Variants in ATG10 observed in about 807,000 individuals in gnomAD.
ATG10 encodes autophagy related 10.
ATG10 carries 30 observed loss-of-function variants against 32.1 expected under a neutral mutation model. That is an observed-to-expected ratio of 0.94 (90% CI 0.70 to 1.27). The LOEUF (loss-of-function observed/expected upper bound fraction) is 1.27, where lower values mean the gene tolerates loss of function less well. Among genes scored for constraint, ATG10 ranks in the 50% most tolerant of loss-of-function variants. The pLI, the probability that ATG10 is intolerant of heterozygous loss-of-function variation, is 0.00. For synonymous variants in ATG10, 87 were observed against 91.5 expected (o/e 0.95, Z 0.28); for missense variants, 233 against 262.3 (o/e 0.89, Z 0.77).
At chr5:82,207,124 T>C (rs1745329054) in intron 5 of ATG10, among the ~76,000 whole-genome samples, 1 of 152,228 alleles carries the variant, frequency 6.6e-6, no homozygotes, top group Admixed American at 6.5e-5. Context: ...TCTATGATCA[T>C]GTCTTTTGAT....
At chr5:82,169,439 G>A (rs1743718230) in intron 4 of ATG10, among the ~76,000 whole-genome samples, 1 of 152,080 alleles carries the variant, frequency 6.6e-6, no homozygotes, top group Non-Finnish European at 1.5e-5. Context: ...CATATTTTCG[G>A]GGAAAGATGT....
chr5:82,248,304 C>A (rs1747112663), intron 5 of ATG10, among the ~76,000 whole-genome samples: 1 of 152,152 alleles, frequency 6.6e-6, no homozygotes, highest in Non-Finnish European at 1.5e-5. Flanking sequence ...TCATTTAGTA[C>A]CTATTTTGCT....
chr5:82,096,311 G>C (rs1165388218), intron 3 of ATG10, among the ~76,000 whole-genome samples: 1 of 152,126 alleles, frequency 6.6e-6, no homozygotes, highest in Non-Finnish European at 1.5e-5. Context: ...AGCCATTTTT[G>C]CTATTAGTAG....
At chr5:82,236,079 CTT>C (rs1746540671) in intron 5 of ATG10, among the ~76,000 whole-genome samples, 1 of 152,306 alleles carries the variant, frequency 6.6e-6, no homozygotes, top group East Asian at 1.9e-4. Context: ...ATTTAAGACT[CTT>C]TATAAAACGC....
intron 5 of ATG10, among the ~76,000 whole-genome samples, chr5:82,201,867 T>C (rs1399401032): frequency 6.6e-6 from 1 of 152,254 alleles, no homozygotes; most frequent in Non-Finnish European, 1.5e-5. Flanking sequence ...CTTAAATTTT[T>C]ATGTAAATAT....
At chr5:82,214,989 T>G (rs1394680958) in intron 5 of ATG10, among the ~76,000 whole-genome samples, 4 of 152,240 alleles carry the variant, frequency 2.6e-5, no homozygotes, top group African/African-American at 9.6e-5. Flanking sequence ...ATTTCAGAGC[T>G]TTTATTTTTA....
At chr5:82,150,243 T>C (rs929458861) in intron 3 of ATG10, among the ~76,000 whole-genome samples, 1 of 151,984 alleles carries the variant, frequency 6.6e-6, no homozygotes, top group Non-Finnish European at 1.5e-5. Flanking sequence ...TTGTTTTTTT[T>C]TTTTTCTTTC....
intron 3 of ATG10, among the ~76,000 whole-genome samples, chr5:82,121,135 C>G (rs1401745161): frequency 6.6e-6 from 1 of 152,024 alleles, no homozygotes; most frequent in African/African-American, 2.4e-5. Context: ...ATAGTTAATT[C>G]TTCAGTTTTG....
At chr5:82,100,013 T>G in intron 3 of ATG10, among the ~76,000 whole-genome samples, 1 of 132,858 alleles carries the variant, frequency 7.5e-6, no homozygotes, top group South Asian at 2.7e-4. Context: ...TTTTTTTTTT[T>G]TTTTTTTTTT....
chr5:82,033,401 G>C (rs1303355509), intron 2 of ATG10, among the ~76,000 whole-genome samples: 3 of 149,740 alleles, frequency 2.0e-5, no homozygotes, highest in African/African-American at 7.4e-5. Context: ...GCAGTGGCAC[G>C]ATCTCGGTTC....
chr5:82,157,096 T>G (rs1767827151), intron 3 of ATG10, among the ~76,000 whole-genome samples: 2 of 152,162 alleles, frequency 1.3e-5, no homozygotes, highest in Admixed American at 1.3e-4. Flanking sequence ...GCCTCGCCCT[T>G]GAGCATGCCT....
intron 3 of ATG10, among the ~76,000 whole-genome samples, chr5:82,161,696 AACACACACACACAC>A (rs60780834): frequency 7.7e-6 from 1 of 129,664 alleles, no homozygotes; most frequent in African/African-American, 3.1e-5. Flanking sequence ...TTAGAGAATA[AACACACACACACAC>A]ACACACACAC....
At chr5:82,127,421 G>C (rs1056205988) in intron 3 of ATG10, among the ~76,000 whole-genome samples, 1 of 152,078 alleles carries the variant, frequency 6.6e-6, no homozygotes, top group Non-Finnish European at 1.5e-5. Context: ...TGGGCATTTA[G>C]TGCTGTAAAT....
chr5:82,038,639 A>C (rs551406554), intron 2 of ATG10, among the ~76,000 whole-genome samples: 1 of 152,246 alleles, frequency 6.6e-6, no homozygotes, highest in South Asian at 2.1e-4. Context: ...TCTCTTTCTA[A>C]GCTCTTCCGA....
chr5:82,180,778 A>G (rs904685175), intron 5 of ATG10, among the ~76,000 whole-genome samples: 1 of 152,064 alleles, frequency 6.6e-6, no homozygotes, highest in African/African-American at 2.4e-5. Flanking sequence ...AGTTCTTACC[A>G]TTTTCCTTTT....
In ATG10 at chr5:82,083,621, C is replaced by CT. The variant is rs1334450942; in HGVS notation, c.216+25020dup. 2.0e-5 allele frequency among the ~76,000 whole-genome samples: 3 copies of CT among 152,192 alleles called. No individual in the cohort carries two copies. The East Asian group carries it at 5.8e-4, about 29-fold the overall frequency. On this transcript the variant is annotated intron_variant, in intron 3 of 7. Transcript: ENST00000282185. ...ACCCCTCATACAACTGGGTGCCCCT[C>CT]TGACACGAAGCTTCCAGAGGAAGGA... is the stretch of plus-strand genomic sequence containing the variant.
intron 3 of ATG10, among the ~76,000 whole-genome samples, chr5:82,082,528 C>G (rs1764519701): frequency 6.6e-6 from 1 of 152,094 alleles, no homozygotes; most frequent in African/African-American, 2.4e-5. Context: ...AGTCTTTGAA[C>G]TTGGTTAATT....
chr5:82,234,865 C>G (rs1239456560), intron 5 of ATG10, among the ~76,000 whole-genome samples: 1 of 152,202 alleles, frequency 6.6e-6, no homozygotes, highest in African/African-American at 2.4e-5. Flanking sequence ...CTGCCTAATT[C>G]TTTCCTGCAT....
chr5:82,130,572 C>T (rs927726963), intron 3 of ATG10, among the ~76,000 whole-genome samples: 8 of 152,014 alleles, frequency 5.3e-5, no homozygotes, highest in African/African-American at 1.9e-4. Context: ...GGCACAGTTC[C>T]TCATGGCTTT....
Sources: allele counts gnomAD v4.1 joint callset (sites outside exome capture counted in the v4.1 genomes callset), GRCh38; gene constraint gnomAD v4.1.1; transcripts MANE v1.5; gene names NCBI Gene and HGNC (gene_info 2026-07-23, HGNC 2026-07-21).